Variants in STARD13 observed in about 807,000 individuals in gnomAD.
STARD13 encodes the protein StAR related lipid transfer domain containing 13.
STARD13 carries 62 observed loss-of-function variants against 106.4 expected under a neutral mutation model. The observed-to-expected ratio is 0.58, with a 90% CI of 0.48 to 0.72. The LOEUF is 0.72. Ranked by LOEUF, STARD13 falls within the 30% of genes least tolerant of loss-of-function variation. The pLI is 0.00. For synonymous variants in STARD13, 565 were observed against 553.0 expected (o/e 1.02, Z -0.31); for missense variants, 1,387 against 1,424.0 (o/e 0.97, Z 0.42).
upstream of STARD13, among the ~76,000 whole-genome samples, chr13:33,287,980 C>G (rs575792115): frequency 2.6e-5 from 4 of 152,048 alleles, no homozygotes; most frequent in South Asian, 6.2e-4. Context: ...AAAGATAGAC[C>G]GGCCATTTCC....
At chr13:33,214,166 A>T (rs1255457623) in intron 1 of STARD13, among the ~76,000 whole-genome samples, 2 of 152,356 alleles carry the variant, frequency 1.3e-5, no homozygotes, top group East Asian at 3.9e-4. Context: ...GAGAAAGCAG[A>T]CTTAAAGAGG....
chr13:33,308,520 CTTTTTTT>C (rs552526416), intron 1 of STARD13, among the ~76,000 whole-genome samples: 2 of 88,554 alleles, frequency 2.3e-5, no homozygotes, highest in Non-Finnish European at 4.2e-5. Context: ...CTTTTTCTTT[CTTTTTTT>C]TTTTTTTTTT....
At chr13:33,599,948 C>T in the STARD13 span, among the ~76,000 whole-genome samples, 6 of 152,170 alleles carry the variant, frequency 3.9e-5, no homozygotes, top group African/African-American at 1.4e-4. Flanking sequence ...TTACGAATTA[C>T]AAATGGAAAA....
chr13:33,623,600 C>T, the STARD13 span, among the ~76,000 whole-genome samples: 2 of 151,966 alleles, frequency 1.3e-5, no homozygotes, highest in African/African-American at 4.8e-5. Context: ...ACAACTACAT[C>T]TACATATTTA....
the STARD13 span, among the ~76,000 whole-genome samples, chr13:33,501,078 CTTTTTT>C: frequency 1.1e-5 from 1 of 94,088 alleles, no homozygotes; most frequent in Admixed American, 1.3e-4. Context: ...TCTCTCTCTC[CTTTTTT>C]TTTTTTTTTT....
chr13:33,444,266 A>C, the STARD13 span, among the ~76,000 whole-genome samples: 1 of 152,134 alleles, frequency 6.6e-6, no homozygotes, highest in Non-Finnish European at 1.5e-5. Context: ...AGTGGTCTAT[A>C]TTGGAGATCC....
chr13:33,479,250 G>C, the STARD13 span, among the ~76,000 whole-genome samples: 11 of 152,202 alleles, frequency 7.2e-5, no homozygotes, highest in African/African-American at 2.7e-4. Context: ...TTAGCAAGAG[G>C]AAAGAGGCAC....
chr13:33,262,838 C>T (rs1890719195), intron 1 of STARD13, among the ~76,000 whole-genome samples: 1 of 152,144 alleles, frequency 6.6e-6, no homozygotes, highest in African/African-American at 2.4e-5. Flanking sequence ...TGCAGGAGCA[C>T]AATGTCCATC....
intron 1 of STARD13, among the ~76,000 whole-genome samples, chr13:33,215,950 C>T (rs745520544): frequency 1.3e-5 from 2 of 152,092 alleles, no homozygotes; most frequent in African/African-American, 2.4e-5. Context: ...GGCCAACAAA[C>T]GTATACAAAA....
intron 1 of STARD13, among the ~76,000 whole-genome samples, chr13:33,317,599 C>T (rs1209847720): frequency 7.2e-5 from 11 of 152,154 alleles, no homozygotes; most frequent in Non-Finnish European, 4.4e-5. Context: ...CAAATATCAC[C>T]ATCCTTGAGA....
chr13:33,179,684 C>T (rs1360796207), intron 1 of STARD13, among the ~76,000 whole-genome samples: 1 of 152,154 alleles, frequency 6.6e-6, no homozygotes, highest in African/African-American at 2.4e-5. Flanking sequence ...GGTCTCTAAA[C>T]CAAGCAGGGA....
the STARD13 span, among the ~76,000 whole-genome samples, chr13:33,434,010 T>A: frequency 6.6e-6 from 1 of 152,158 alleles, no homozygotes; most frequent in Non-Finnish European, 1.5e-5. Flanking sequence ...CAGCCCTCCA[T>A]GATATTCTTT....
At chr13:33,523,210 C>T in the STARD13 span, among the ~76,000 whole-genome samples, 1 of 151,974 alleles carries the variant, frequency 6.6e-6, no homozygotes, top group Non-Finnish European at 1.5e-5. Context: ...GGTATTTATT[C>T]CCTGAGCCTC....
At chr13:33,652,487 T>C in the STARD13 span, among the ~76,000 whole-genome samples, 12 of 152,318 alleles carry the variant, frequency 7.9e-5, no homozygotes, top group African/African-American at 2.9e-4. Context: ...TTTTTCCCCA[T>C]ACATTTTATT....
chr13:33,410,239 C>G, the STARD13 span, among the ~76,000 whole-genome samples: 1 of 152,122 alleles, frequency 6.6e-6, no homozygotes, highest in South Asian at 2.1e-4. Context: ...GGAAAATATT[C>G]TAGGATAATC....
intron 1 of STARD13, among the ~76,000 whole-genome samples, chr13:33,338,097 G>A (rs1196212264): frequency 6.6e-6 from 1 of 152,170 alleles, no homozygotes; most frequent in African/African-American, 2.4e-5. Flanking sequence ...AATAGCAGAA[G>A]GTACCAGTTA....
the STARD13 span, among the ~76,000 whole-genome samples, chr13:33,443,820 G>A: frequency 2.0e-5 from 3 of 149,886 alleles, no homozygotes; most frequent in East Asian, 2.0e-4. Flanking sequence ...GGAGATGGAG[G>A]CTGCAGTGAG....
At chr13:33,540,095 C>T in the STARD13 span, among the ~76,000 whole-genome samples, 1 of 152,188 alleles carries the variant, frequency 6.6e-6, no homozygotes, top group Non-Finnish European at 1.5e-5. Context: ...CCCTTTTAAA[C>T]TATAGTAGTT....
chr13:33,145,228 T>C (rs492666), intron 3 of STARD13, among the ~76,000 whole-genome samples: 65,812 of 152,074 alleles, frequency 0.43, 14,897 homozygotes, highest in East Asian at 0.58. Context: ...TTCAAACAGA[T>C]ACTTCTAAGA....
Sources: gnomAD v4.1 joint callset for allele counts (sites outside exome capture counted in the v4.1 genomes callset) on GRCh38, gnomAD v4.1.1 for gene constraint, MANE v1.5 for transcripts, NCBI Gene and HGNC (gene_info 2026-07-23, HGNC 2026-07-21) for gene names.